The following HNRNPM variants were observed in gnomAD, a reference collection of about 807,000 sequenced individuals.
The protein encoded by HNRNPM is heterogeneous nuclear ribonucleoprotein M.
A neutral mutation model predicts 73.1 loss-of-function variants in HNRNPM; 11 were observed. The observed-to-expected ratio is 0.15, with a 90% CI of 0.09 to 0.25. The LOEUF (loss-of-function observed/expected upper bound fraction) is 0.25. HNRNPM is among the 10% of genes least tolerant of loss of function. The pLI is 1.00. For missense variants in HNRNPM, 789 were observed against 1,067.9 expected, an observed-to-expected ratio of 0.74 and a Z score of 3.64; for synonymous variants, 407 against 355.2, an observed-to-expected ratio of 1.15 and a Z score of -1.64.
intron 1 of HNRNPM, among the ~76,000 whole-genome samples, chr19:8,446,206 C>T (rs1408261395): frequency 6.6e-6 from 1 of 152,158 alleles, no homozygotes; most frequent in Non-Finnish European, 1.5e-5. Context: ...AATTCAGTGG[C>T]ATTGAGTATA....
Position 8,468,806 on chromosome 19 carries a change from C to G in HNRNPM, c.867C>G (p.Phe289Leu), listed in dbSNP as rs1277156319. ...GGGCCTTACCAAAAGGAGATTTCTT[C>G]CCTCCTGAGCGTCCACAACAACTTC... is the stretch of plus-strand genomic sequence containing the variant. ...DERALPKGDF[F>L]PPERPQQLPH... Residue 289 changes from phenylalanine to leucine, a missense_variant, in exon 9 of 16, where the codon TTC becomes TTG. This residue lies in a region of HNRNPM where 604 missense variants were observed against 744.0 expected (regional missense o/e 0.81). Transcript: ENST00000325495. The G allele has an allele frequency of 6.2e-7, 1 of 1,613,734 alleles. No individual in the cohort carries two copies. The highest frequency in any genetic ancestry group is 8.5e-7 in the Non-Finnish European group (1 of 1,179,760).
chr19:8,448,870 A>G (rs1031196537), intron 1 of HNRNPM, among the ~76,000 whole-genome samples: 2 of 152,118 alleles, frequency 1.3e-5, no homozygotes, highest in African/African-American at 2.4e-5. Flanking sequence ...TAGATTCCTG[A>G]GGAGGTACTG....
intron 12 of HNRNPM, among the ~76,000 whole-genome samples, chr19:8,481,292 G>C (rs867938895): frequency 2.0e-5 from 3 of 152,228 alleles, no homozygotes; most frequent in Non-Finnish European, 4.4e-5. Context: ...TAGTGAGGAC[G>C]CTGGTGGAGA....
rs754196317 is a variant in HNRNPM at position 8,462,611 on chromosome 19, A to ATTT, written c.336+31_336+33dup. On this transcript the variant is annotated intron_variant, in intron 3 of 15. Transcript: ENST00000325495. The surrounding 1 kb of genome is among the most constrained non-coding windows in gnomAD (Gnocchi z 4.5). ...GTGTCTGAGAGAATTTCTTCTGTGG[A>ATTT]TTTACTACATGAAAAATGTAACTGT... 6.4e-7 allele frequency: 1 copy of ATTT among 1,559,492 alleles called. No individual in the cohort carries two copies. The highest frequency in any genetic ancestry group is 1.1e-5 in the South Asian group (1 of 90,032).
chr19:8,476,705 A>G (rs768857551), intron 12 of HNRNPM, among the ~76,000 whole-genome samples: 26 of 152,238 alleles, frequency 1.7e-4, no homozygotes, highest in Non-Finnish European at 3.5e-4. Flanking sequence ...GTTGACAGCC[A>G]GTAAGATGAG....
At chr19:8,481,259 G>A (rs1970897693) in intron 12 of HNRNPM, among the ~76,000 whole-genome samples, 1 of 152,380 alleles carries the variant, frequency 6.6e-6, no homozygotes, top group African/African-American at 2.4e-5. Context: ...GACATCGCCA[G>A]AGGTCTGTGC....
intron 12 of HNRNPM, chr19:8,482,423 C>T (rs1422400837): frequency 6.6e-6 from 1 of 152,280 alleles, no homozygotes; most frequent in African/African-American, 2.4e-5. Flanking sequence ...GCTATGATAG[C>T]ATCAGACAAA....
intron 2 of HNRNPM, among the ~76,000 whole-genome samples, 171 bp downstream of exon 2, chr19:8,455,745 G>T (rs1387620065): frequency 3.5e-5 from 5 of 144,144 alleles, no homozygotes; most frequent in Admixed American, 2.1e-4. Flanking sequence ...TTTGTTTTGT[G>T]TTTTTTTTTT....
At chr19:8,450,242 A>G (rs992715297) in intron 1 of HNRNPM, among the ~76,000 whole-genome samples, 6 of 152,130 alleles carry the variant, frequency 3.9e-5, no homozygotes, top group African/African-American at 1.4e-4. Flanking sequence ...AGATGTGATC[A>G]CAATTTCAGG....
chr19:8,447,327 A>G (rs906290282), intron 1 of HNRNPM, among the ~76,000 whole-genome samples: 16 of 149,110 alleles, frequency 1.1e-4, no homozygotes, highest in African/African-American at 3.9e-4. Context: ...TTTGCACTCC[A>G]TGCAGAGTGG....
intron 13 of HNRNPM, among the ~76,000 whole-genome samples, chr19:8,484,937 C>T (rs1268689516): frequency 1.3e-5 from 2 of 152,116 alleles, no homozygotes; most frequent in African/African-American, 2.4e-5. Flanking sequence ...TCAACATCTT[C>T]TTTCCAAAGC....
At chr19:8,471,199 AGGTCACT>A (rs1341662837) in intron 9 of HNRNPM, 120 bp from the exon 10 acceptor site, 2 of 464,462 alleles carry the variant, frequency 4.3e-6, no homozygotes, top group African/African-American at 5.3e-5. Flanking sequence ...TTGGGCCCTG[AGGTCACT>A]GGTGGGTGGG....
chr19:8,486,755 T>G (rs575820755), intron 14 of HNRNPM, among the ~76,000 whole-genome samples: 1 of 152,230 alleles, frequency 6.6e-6, no homozygotes, highest in Admixed American at 6.5e-5. Context: ...AGCCACTATT[T>G]AGTGACTGTG....
chr19:8,476,809 G>A (rs1205131301), intron 12 of HNRNPM, among the ~76,000 whole-genome samples: 2 of 152,174 alleles, frequency 1.3e-5, no homozygotes, highest in African/African-American at 2.4e-5. Flanking sequence ...CAGGATGGAA[G>A]GAGAGCAGCA....
chr19:8,447,260 CT>C (rs33978914), intron 1 of HNRNPM, among the ~76,000 whole-genome samples: 1,758 of 142,968 alleles, frequency 0.012, 28 homozygotes, highest in African/African-American at 0.042. Flanking sequence ...CTGTGGAAAA[CT>C]TTTTTTTTTT....
intron 9 of HNRNPM, among the ~76,000 whole-genome samples, chr19:8,469,305 A>G (rs2081868255): frequency 6.6e-6 from 1 of 152,264 alleles, no homozygotes; most frequent in African/African-American, 2.4e-5. Flanking sequence ...AGATAAATGC[A>G]TAAAGGCAGA....
intron 9 of HNRNPM, among the ~76,000 whole-genome samples, chr19:8,469,795 G>C (rs994703025): frequency 6.6e-6 from 1 of 152,230 alleles, no homozygotes; most frequent in Non-Finnish European, 1.5e-5. Context: ...CGGGTTGAGG[G>C]GGCCTGGTCT....
chr19:8,466,135 T>C, intron 6 of HNRNPM, 100 bp from the exon 7 acceptor site: 1 of 1,172,778 alleles, frequency 8.5e-7, no homozygotes, highest in Admixed American at 2.4e-5. Flanking sequence ...TATTTCCTAA[T>C]ACTTTTTTCC....
At chr19:8,450,863 A>G (rs1236868385) in intron 1 of HNRNPM, among the ~76,000 whole-genome samples, 5 of 149,626 alleles carry the variant, frequency 3.3e-5, no homozygotes, top group African/African-American at 4.9e-5. Flanking sequence ...GCGAGTAGCT[A>G]GGATTACAGG....
Sources: allele counts gnomAD v4.1 joint callset (sites outside exome capture counted in the v4.1 genomes callset), GRCh38; gene constraint gnomAD v4.1.1; regional missense constraint gnomAD v4.1.1; non-coding constraint Gnocchi (gnomAD v3.1); transcripts MANE v1.5; gene names NCBI Gene and HGNC (gene_info 2026-07-23, HGNC 2026-07-21).